The following FHDC1 variants were observed in gnomAD, a reference collection of about 807,000 sequenced individuals.
The protein encoded by FHDC1 is FH2 domain-containing protein 1.
Under a neutral mutation model 52.6 loss-of-function variants are expected in FHDC1, and 25 were observed. The observed-to-expected ratio is 0.48, with a 90% CI of 0.35 to 0.66. FHDC1 has a LOEUF of 0.66. Ranked by LOEUF, FHDC1 falls within the 30% of genes least tolerant of loss-of-function variation. The probability of loss-of-function intolerance (pLI) is 0.01; values close to 1 mark genes in which losing one functional copy is unlikely to be tolerated. For synonymous variants in FHDC1, 616 were observed against 581.5 expected (o/e 1.06, Z -0.85); for missense variants, 1,459 against 1,452.8 (o/e 1.00, Z -0.07).
At chr4:152,943,875 C>T (rs527498163) in intron 2 of FHDC1, among the ~76,000 whole-genome samples, 84 of 152,108 alleles carry the variant, frequency 5.5e-4, no homozygotes, top group Non-Finnish European at 1.0e-3. Flanking sequence ...TGCTCAAGTC[C>T]GGATTGTTAG....
chr4:152,942,946 G>C lies in FHDC1; in HGVS notation c.-112G>C, dbSNP rs1403143095. 1 of 1,159,794 alleles carries C rather than the reference G, an allele frequency of 8.6e-7. No homozygotes were observed. Among genetic ancestry groups the C allele is most frequent in the Non-Finnish European group, 1.2e-6 (1 of 815,408 alleles). The allele number at this position is 1,159,794 out of a possible 1,614,324, so 71.8% of individuals were successfully genotyped here. A position where few individuals can be genotyped will look rare whatever the true frequency, so the allele number is the denominator to read the frequency against. On this transcript the variant is annotated 5_prime_UTR_variant, in exon 2 of 12. Transcript: ENST00000511601. ...TTGCTAGGTTTGGAAGAGGACAGTT[G>C]CCCTTTATTCTGGCGGCAGATAGCA...
chr4:152,965,236 T>G (rs2017973), intron 9 of FHDC1, among the ~76,000 whole-genome samples: 108,891 of 152,088 alleles, frequency 0.72, 39,145 homozygotes, highest in African/African-American at 0.77. Context: ...TATGGATTAA[T>G]AATTTCAAAT....
chr4:152,919,076 A>G, the FHDC1 span, among the ~76,000 whole-genome samples: 1 of 152,200 alleles, frequency 6.6e-6, no homozygotes, highest in Admixed American at 6.5e-5. Context: ...CGTAAAGGTC[A>G]CTCAATGTTT....
intron 2 of FHDC1, among the ~76,000 whole-genome samples, chr4:152,950,809 T>C (rs924553564): frequency 1.3e-5 from 2 of 152,144 alleles, no homozygotes; most frequent in African/African-American, 4.8e-5. Flanking sequence ...GTTTGCTACG[T>C]CTCTATAGGA....
the FHDC1 span, among the ~76,000 whole-genome samples, chr4:152,923,229 G>T: frequency 6.6e-6 from 1 of 152,126 alleles, no homozygotes; most frequent in Non-Finnish European, 1.5e-5. Context: ...CAAACAGAGA[G>T]CCAAATCATG....
intron 8 of FHDC1, among the ~76,000 whole-genome samples, chr4:152,963,769 G>GT (rs58783965): frequency 0.02 from 1,027 of 51,740 alleles, 208 homozygotes; most frequent in Non-Finnish European, 0.026. Flanking sequence ...CCATTGCTTT[G>GT]TTTTTTTTTT....
chr4:152,938,418 C>T (rs1451139135), intron 1 of FHDC1, among the ~76,000 whole-genome samples: 2 of 152,128 alleles, frequency 1.3e-5, no homozygotes, highest in Non-Finnish European at 2.9e-5. Context: ...CGGTCCGGCT[C>T]TGGCCCGACT....
At chr4:152,964,383 T>C (rs1474890480) in intron 8 of FHDC1, among the ~76,000 whole-genome samples, 1 of 152,242 alleles carries the variant, frequency 6.6e-6, no homozygotes, top group Non-Finnish European at 1.5e-5. Context: ...TGAATCCAAG[T>C]GTCCAGGCCC....
At chr4:152,947,372 A>G (rs1739767052) in intron 2 of FHDC1, among the ~76,000 whole-genome samples, 1 of 152,228 alleles carries the variant, frequency 6.6e-6, no homozygotes, top group Non-Finnish European at 1.5e-5. Context: ...AAATAAAGAC[A>G]TATTACTGGG....
Position 152,975,338 on chromosome 4 carries a change from A to G in FHDC1, c.2047A>G (p.Asn683Asp), listed in dbSNP as rs565016431. The change falls in exon 12 of 12, where the codon AAC (asparagine) becomes GAC (aspartate). Residue 683 changes from asparagine to aspartate, a missense_variant. Coordinates refer to ENST00000511601, the MANE Select transcript of FHDC1 (RefSeq NM_001371116.1). ...GCTGGTGACAGGGCTGGCCCAGTTC[A>G]ACCTCCAGGGTTCCCAGGGCATGGA... is the stretch of plus-strand genomic sequence containing the variant. ...HELVTGLAQF[N>D]LQGSQGMEET... 6.8e-6 allele frequency: 11 copies of G among 1,613,678 alleles called. No individual in the cohort carries two copies. Among genetic ancestry groups the G allele is most frequent in the Non-Finnish European group, 9.3e-6 (11 of 1,180,024 alleles).
At chr4:152,971,678 A>T (rs1056110952) in intron 10 of FHDC1, among the ~76,000 whole-genome samples, 1 of 152,204 alleles carries the variant, frequency 6.6e-6, no homozygotes. Flanking sequence ...TTTGTAAAGG[A>T]CAGTAATGCC....
intron 10 of FHDC1, among the ~76,000 whole-genome samples, chr4:152,971,273 T>C (rs138478983): frequency 0.026 from 3,890 of 152,256 alleles, 71 homozygotes; most frequent in African/African-American, 0.044. Flanking sequence ...GGAGGATTGC[T>C]TGAGCCCAGG....
the FHDC1 span, among the ~76,000 whole-genome samples, chr4:152,925,507 G>T: frequency 6.6e-6 from 1 of 152,094 alleles, no homozygotes; most frequent in Non-Finnish European, 1.5e-5. Flanking sequence ...GAGTCTGATG[G>T]AAATAGAGGG....
chr4:152,973,273 A>T (rs1444795562), intron 11 of FHDC1, among the ~76,000 whole-genome samples: 4 of 152,124 alleles, frequency 2.6e-5, no homozygotes, highest in Non-Finnish European at 5.9e-5. Context: ...CTCGTGAGTC[A>T]TCTCTCCCCC....
At position 152,975,147 on chromosome 4, in the gene FHDC1, C is replaced by G. The variant is rs77425963; in HGVS notation, c.1856C>G (p.Ala619Gly). ...EEAPNPPSAQ[A>G]HQLAAAQPEN... Reference sequence around the variant, plus strand: ...GCCCCCAACCCACCCTCAGCACAGGCGCACCAGCTTGCAGCCGCCCAGCCT... The same window carrying G: ...GCCCCCAACCCACCCTCAGCACAGGGGCACCAGCTTGCAGCCGCCCAGCCT... Residue 619 changes from alanine (A) to glycine (G), a missense_variant, in exon 12 of 12, where the codon GCG becomes GGG. Physicochemically the swap from Ala to Gly is moderately conservative, Grantham distance 60. This residue lies in a region of FHDC1 where 939 missense variants were observed against 854.5 expected (regional missense o/e 1.10). Coordinates refer to ENST00000511601, the MANE Select transcript of FHDC1 (RefSeq NM_001371116.1). 18 of 1,612,938 alleles carry G rather than the reference C, an allele frequency of 1.1e-5. No individual in the cohort carries two copies. The highest frequency in any genetic ancestry group is 1.4e-5 in the Non-Finnish European group (17 of 1,180,022).
At chr4:152,948,708 A>C (rs1222682465) in intron 2 of FHDC1, among the ~76,000 whole-genome samples, 1 of 152,112 alleles carries the variant, frequency 6.6e-6, no homozygotes, top group Non-Finnish European at 1.5e-5. Flanking sequence ...TGCCCACCTC[A>C]GCCTCCCAAT....
chr4:152,920,866 C>A, the FHDC1 span, among the ~76,000 whole-genome samples: 2 of 151,450 alleles, frequency 1.3e-5, no homozygotes, highest in Non-Finnish European at 2.9e-5. Flanking sequence ...AAAAAAAAAC[C>A]CAATCTCTAG....
chr4:152,948,173 G>A (rs1405174673), intron 2 of FHDC1, among the ~76,000 whole-genome samples: 1 of 152,202 alleles, frequency 6.6e-6, no homozygotes, highest in Non-Finnish European at 1.5e-5. Flanking sequence ...GATAGAGGAA[G>A]ATCTTCACAT....
intron 10 of FHDC1, among the ~76,000 whole-genome samples, 165 bp from the exon 11 acceptor site, chr4:152,972,212 A>G (rs1221208922): frequency 6.6e-6 from 1 of 151,976 alleles, no homozygotes; most frequent in Non-Finnish European, 1.5e-5. Context: ...GGGTTGAATT[A>G]TTTTCCTTTT....
Sources: allele counts gnomAD v4.1 joint callset (sites outside exome capture counted in the v4.1 genomes callset), GRCh38; gene constraint gnomAD v4.1.1; regional missense constraint gnomAD v4.1.1; transcripts MANE v1.5; gene names NCBI Gene and HGNC (gene_info 2026-07-23, HGNC 2026-07-21).